Variants in PLCXD3 observed in about 807,000 individuals in gnomAD.
PLCXD3 encodes phosphatidylinositol specific phospholipase C X domain containing 3.
Under a neutral mutation model 25.5 loss-of-function variants are expected in PLCXD3, and 19 were observed. The ratio of observed to expected loss-of-function variants is 0.75; its 90% confidence interval spans 0.52 to 1.09. PLCXD3 has a LOEUF of 1.09. Among genes scored for constraint, PLCXD3 ranks in the 50% least tolerant of loss-of-function variants. The pLI is 0.00. For missense variants in PLCXD3, 411 were observed against 388.1 expected, an observed-to-expected ratio of 1.06 and a Z score of -0.50; for synonymous variants, 174 against 137.6, an observed-to-expected ratio of 1.26 and a Z score of -1.85.
chr5:41,403,918 AG>A (rs1355534597), intron 1 of PLCXD3, among the ~76,000 whole-genome samples: 12 of 152,138 alleles, frequency 7.9e-5, no homozygotes, highest in African/African-American at 2.9e-4. Flanking sequence ...GGGTATAAAT[AG>A]CTATTCTATA....
At chr5:41,432,979 G>A (rs532240236) in intron 1 of PLCXD3, among the ~76,000 whole-genome samples, 20 of 152,244 alleles carry the variant, frequency 1.3e-4, no homozygotes, top group African/African-American at 3.9e-4. Flanking sequence ...CTTATGTCAC[G>A]AAGAACTTGA....
chr5:41,335,551 T>G (rs1158925271), intron 2 of PLCXD3, among the ~76,000 whole-genome samples: 2 of 152,124 alleles, frequency 1.3e-5, no homozygotes, highest in East Asian at 3.9e-4. Context: ...ATTTTAGCAA[T>G]GGGAAAATAA....
chr5:41,426,288 T>A (rs946457692), intron 1 of PLCXD3, among the ~76,000 whole-genome samples: 17 of 151,890 alleles, frequency 1.1e-4, no homozygotes, highest in Non-Finnish European at 2.2e-4. Context: ...CTCATTTATT[T>A]TAATAGAGTT....
chr5:41,492,373 TC>T (rs1748721501), intron 1 of PLCXD3, among the ~76,000 whole-genome samples: 1 of 152,272 alleles, frequency 6.6e-6, no homozygotes, highest in Middle Eastern at 3.4e-3. Flanking sequence ...TAACATTTTT[TC>T]CTTCATTTCA....
At chr5:41,359,069 A>C (rs536605097) in intron 2 of PLCXD3, among the ~76,000 whole-genome samples, 1 of 152,282 alleles carries the variant, frequency 6.6e-6, no homozygotes, top group African/African-American at 2.4e-5. Flanking sequence ...TATGAAACCC[A>C]CTTGATCATG....
chr5:41,403,408 T>TTTTTTTTTTTTTTATTTTTTTTTA (rs1554047966), intron 1 of PLCXD3, among the ~76,000 whole-genome samples: 1 of 26,230 alleles, frequency 3.8e-5, no homozygotes, highest in Non-Finnish European at 9.4e-5. Flanking sequence ...GTTGTTTTTT[T>TTTTTTTTTTTTTTATTTTTTTTTA]TTTTTTTTAT....
chr5:41,311,573 G>A lies in PLCXD3; in HGVS notation c.*2044C>T, dbSNP rs2150465851. ...TGTTTGAATTTGTATGCTATCACAG[G>A]AATGGGCATATGTTTGTATATTGTA... is the stretch of plus-strand genomic sequence containing the variant. On this transcript the variant is annotated 3_prime_UTR_variant, in exon 3 of 3. Transcript: ENST00000377801. 1 of 152,158 alleles carries A rather than the reference G, an allele frequency of 6.6e-6. No individual in the cohort carries two copies. Among genetic ancestry groups the A allele is most frequent in the South Asian group, 2.1e-4 (1 of 4,824 alleles). The allele number at this position is 152,158 out of a possible 1,614,324, so 9.4% of individuals were successfully genotyped here. A position where few individuals can be genotyped will look rare whatever the true frequency, so the allele number is the denominator to read the frequency against.
At chr5:41,414,355 A>T (rs1011152395) in intron 1 of PLCXD3, among the ~76,000 whole-genome samples, 1 of 152,098 alleles carries the variant, frequency 6.6e-6, no homozygotes, top group African/African-American at 2.4e-5. Flanking sequence ...GGTATGCACC[A>T]CCATGCTCGG....
chr5:41,379,967 A>G (rs1380999), intron 2 of PLCXD3, among the ~76,000 whole-genome samples: 2 of 152,124 alleles, frequency 1.3e-5, no homozygotes, highest in African/African-American at 2.4e-5. Context: ...ATTTTAAGGA[A>G]CAGAGCAGTC....
chr5:41,505,701 C>T (rs1749040154), intron 1 of PLCXD3, among the ~76,000 whole-genome samples: 2 of 152,164 alleles, frequency 1.3e-5, no homozygotes, highest in African/African-American at 2.4e-5. Context: ...AGCAGCAGGA[C>T]TTTAAGGAAA....
chr5:41,461,441 T>C (rs186757904), intron 1 of PLCXD3, among the ~76,000 whole-genome samples: 56 of 152,082 alleles, frequency 3.7e-4, no homozygotes, highest in African/African-American at 1.3e-3. Context: ...GTCACTGCAA[T>C]CTGTTTCATG....
chr5:41,450,534 A>G (rs1479530417), intron 1 of PLCXD3, among the ~76,000 whole-genome samples: 1 of 152,104 alleles, frequency 6.6e-6, no homozygotes, highest in Non-Finnish European at 1.5e-5. Context: ...AAAACTTACA[A>G]TGCTGATAGA....
intron 1 of PLCXD3, among the ~76,000 whole-genome samples, chr5:41,503,425 C>A (rs994018820): frequency 2.0e-5 from 3 of 152,166 alleles, no homozygotes; most frequent in African/African-American, 7.2e-5. Context: ...GAGCTGTCCA[C>A]TTCCAGGATC....
chr5:41,459,650 C>T (rs1232066820), intron 1 of PLCXD3, among the ~76,000 whole-genome samples: 1 of 151,734 alleles, frequency 6.6e-6, no homozygotes, highest in Admixed American at 6.6e-5. Context: ...AGATAGCCAG[C>T]ATTGTCTCTT....
intron 1 of PLCXD3, among the ~76,000 whole-genome samples, chr5:41,401,785 T>C (rs1746193992): frequency 6.6e-6 from 1 of 152,026 alleles, no homozygotes; most frequent in African/African-American, 2.4e-5. Context: ...TAAATTCAAT[T>C]TCTAAATTAA....
chr5:41,331,295 A>T lies in PLCXD3; in HGVS notation c.813-17525T>A, dbSNP rs535854520. 7.3e-3 allele frequency among the ~76,000 whole-genome samples: 1,109 copies of T among 152,266 alleles called. 25 individuals are homozygous for T. The highest frequency in any genetic ancestry group is 0.025 in the African/African-American group (1,037 of 41,540). ...ACAAAAATCACAAGCATTCTTATAC[A>T]CCAATAACAAACAGAGAGCCAAATC... On this transcript the variant is annotated intron_variant, in intron 2 of 2. Transcript: ENST00000377801.
At chr5:41,483,074 T>A (rs1477116017) in intron 1 of PLCXD3, among the ~76,000 whole-genome samples, 1 of 152,224 alleles carries the variant, frequency 6.6e-6, no homozygotes, top group East Asian at 1.9e-4. Flanking sequence ...TTCTCAAGGT[T>A]CATTCATTGG....
intron 2 of PLCXD3, among the ~76,000 whole-genome samples, chr5:41,314,736 G>A (rs903115747): frequency 6.6e-6 from 1 of 152,116 alleles, no homozygotes; most frequent in African/African-American, 2.4e-5. Context: ...GGATACTGAG[G>A]AAAAGGGGGC....
chr5:41,494,017 C>T (rs571045126), intron 1 of PLCXD3, among the ~76,000 whole-genome samples: 4 of 152,354 alleles, frequency 2.6e-5, no homozygotes, highest in Non-Finnish European at 5.9e-5. Flanking sequence ...AGAAATCACC[C>T]GTGTTCTGCG....
Sources: gnomAD v4.1 joint callset for allele counts (sites outside exome capture counted in the v4.1 genomes callset) on GRCh38, gnomAD v4.1.1 for gene constraint, MANE v1.5 for transcripts, NCBI Gene and HGNC (gene_info 2026-07-23, HGNC 2026-07-21) for gene names.